PTPRT: variants seen among roughly 807,000 people sequenced by gnomAD.
The protein encoded by PTPRT is protein tyrosine phosphatase receptor type T, also known as receptor-type tyrosine-protein phosphatase T.
A neutral mutation model predicts 176.8 loss-of-function variants in PTPRT; 56 were observed. The ratio of observed to expected loss-of-function variants is 0.32; its 90% CI spans 0.26 to 0.40. The LOEUF (loss-of-function observed/expected upper bound fraction) is 0.40, where lower values mean the gene tolerates loss of function less well. PTPRT is among the 10% of genes least tolerant of loss of function. The probability of loss-of-function intolerance (pLI) is 1.00; values close to 1 mark genes in which losing one functional copy is unlikely to be tolerated. For synonymous variants in PTPRT, 783 were observed against 739.0 expected (o/e 1.06, Z -0.96); for missense variants, 1,540 against 1,908.2 (o/e 0.81, Z 3.60).
intron 11 of PTPRT, among the ~76,000 whole-genome samples, chr20:42,329,651 T>A (rs2057939600): frequency 6.6e-6 from 1 of 152,108 alleles, no homozygotes; most frequent in Non-Finnish European, 1.5e-5. Context: ...GTAATAGCTA[T>A]CATGATATGT....
rs1396436499 is a variant in PTPRT, at chr20:42,118,520, T to G, written c.2885-20A>C. The G allele has an allele frequency of 1.3e-6, 2 of 1,591,658 alleles. No homozygotes were observed. The highest frequency in any genetic ancestry group is 1.7e-6 in the Non-Finnish European group (2 of 1,167,514). On this transcript the variant is annotated intron_variant, in intron 20 of 30. Coordinates refer to ENST00000373187, the MANE Select transcript of PTPRT (RefSeq NM_007050.6). ...TCGGACCTGCCAACAGAGAAGACAG[T>G]GAGGTTAGAGAATGCAAGTGCAAAG... is the stretch of plus-strand genomic sequence containing the variant.
intron 17 of PTPRT, among the ~76,000 whole-genome samples, chr20:42,158,947 T>C (rs1053283606): frequency 2.6e-5 from 4 of 152,162 alleles, no homozygotes; most frequent in African/African-American, 7.2e-5. Context: ...CGAAGAAAGT[T>C]TGAAAAGCAA....
At chr20:43,000,610 G>T (rs1019496560) in intron 1 of PTPRT, among the ~76,000 whole-genome samples, 9 of 152,124 alleles carry the variant, frequency 5.9e-5, no homozygotes, top group African/African-American at 1.7e-4. Flanking sequence ...ACATAATGGA[G>T]CAAGTCAACA....
chr20:42,250,062 G>A (rs558533834), intron 13 of PTPRT, among the ~76,000 whole-genome samples: 8 of 152,270 alleles, frequency 5.3e-5, no homozygotes, highest in African/African-American at 1.9e-4. Flanking sequence ...GTGCCCCTGG[G>A]AGAGTTTCTC....
intron 27 of PTPRT, among the ~76,000 whole-genome samples, chr20:42,088,539 G>A (rs1056967139): frequency 1.3e-5 from 2 of 152,214 alleles, no homozygotes; most frequent in Admixed American, 1.3e-4. Flanking sequence ...CTTCTTAGCT[G>A]TGGAAACCCC....
chr20:42,270,058 A>T (rs1234701654), intron 13 of PTPRT, among the ~76,000 whole-genome samples: 1 of 151,934 alleles, frequency 6.6e-6, no homozygotes, highest in Admixed American at 6.6e-5. Context: ...TAGTTTTTGG[A>T]CCAGTGGCTG....
intron 2 of PTPRT, among the ~76,000 whole-genome samples, chr20:42,840,846 C>T (rs1386351836): frequency 6.6e-6 from 1 of 152,170 alleles, no homozygotes; most frequent in Non-Finnish European, 1.5e-5. Context: ...GCATGAGTTG[C>T]TACTTGGAGC....
rs574761888 is a variant in PTPRT, at chr20:43,098,182, G to A, written c.88+91464C>T. On this transcript the variant is annotated intron_variant, in intron 1 of 30. Coordinates refer to ENST00000373187, the MANE Select transcript of PTPRT (RefSeq NM_007050.6). ...AGCTAAAATTTGGAACTTTATCACAGACTCATGGTTACCAACATCAAATAT... is the reference window on the plus strand; with the variant it reads ...AGCTAAAATTTGGAACTTTATCACAAACTCATGGTTACCAACATCAAATAT... Among the ~76,000 whole-genome samples, 51 of 152,272 alleles carry A rather than the reference G, an allele frequency of 3.3e-4. 1 individual carries two copies. The highest frequency in any genetic ancestry group is 1.5e-3 in the Admixed American group (23 of 15,294).
Position 42,956,282 on chromosome 20 carries a change from A to T in PTPRT, c.89-70350T>A, listed in dbSNP as rs572972692. 3.9e-4 allele frequency among the ~76,000 whole-genome samples: 59 copies of T among 152,262 alleles called. No individual in the cohort carries two copies. In the South Asian group the frequency reaches 0.012, roughly 30 times the overall value. The stretch of plus-strand genomic sequence containing the variant: ...GGACCTAGTGGGAAGCAATTGGATC[A>T]TGGGGGTGGGATCCTCATGAATGGT... On this transcript the variant is annotated intron_variant, in intron 1 of 30. Coordinates refer to ENST00000373187, the MANE Select transcript of PTPRT (RefSeq NM_007050.6).
At chr20:43,069,700 A>G (rs535820321) in intron 1 of PTPRT, among the ~76,000 whole-genome samples, 1 of 152,278 alleles carries the variant, frequency 6.6e-6, no homozygotes, top group Non-Finnish European at 1.5e-5. Flanking sequence ...ATGAGGACTG[A>G]GTCGGCTTTT....
intron 4 of PTPRT, among the ~76,000 whole-genome samples, chr20:42,777,104 T>C (rs1448328869): frequency 6.6e-6 from 1 of 152,098 alleles, no homozygotes; most frequent in Non-Finnish European, 1.5e-5. Flanking sequence ...TCCAGAACTT[T>C]CTTCCTCCTA....
At chr20:43,054,373 G>A (rs1019250719) in intron 1 of PTPRT, among the ~76,000 whole-genome samples, 4 of 152,038 alleles carry the variant, frequency 2.6e-5, no homozygotes, top group Non-Finnish European at 5.9e-5. Flanking sequence ...GGGCAACACG[G>A]CGAAACTTCG....
chr20:42,174,722 G>A (rs1429050119), intron 16 of PTPRT, among the ~76,000 whole-genome samples: 1 of 152,320 alleles, frequency 6.6e-6, no homozygotes, highest in Non-Finnish European at 1.5e-5. Context: ...AGACAGGGTA[G>A]TGGTCTAACA....
chr20:42,473,182 T>C (rs2071229377), intron 7 of PTPRT, among the ~76,000 whole-genome samples: 1 of 152,152 alleles, frequency 6.6e-6, no homozygotes, highest in South Asian at 2.1e-4. Context: ...CAGTCTTCCA[T>C]CCCTCTTTTT....
chr20:42,566,877 C>T (rs1163721821), intron 7 of PTPRT, among the ~76,000 whole-genome samples: 1 of 152,170 alleles, frequency 6.6e-6, no homozygotes, highest in African/African-American at 2.4e-5. Flanking sequence ...TAAGTTGTTA[C>T]TATTTGGTAA....
At chr20:42,803,406 C>T (rs1017116754) in intron 2 of PTPRT, among the ~76,000 whole-genome samples, 1 of 152,202 alleles carries the variant, frequency 6.6e-6, no homozygotes, top group Non-Finnish European at 1.5e-5. Context: ...TGAGCCTCAG[C>T]CTATCAGGGT....
At chr20:42,419,648 T>C (rs34733708) in intron 9 of PTPRT, among the ~76,000 whole-genome samples, 18,001 of 152,100 alleles carry the variant, frequency 0.12, 1,050 homozygotes, top group Middle Eastern at 0.14. Flanking sequence ...TCTCCTAGGA[T>C]TTCCTCTCCT....
chr20:42,584,292 C>T (rs1482191361), intron 7 of PTPRT, among the ~76,000 whole-genome samples: 1 of 152,184 alleles, frequency 6.6e-6, no homozygotes, highest in South Asian at 2.1e-4. Flanking sequence ...TGATCTCCCA[C>T]TATTCTCTTT....
chr20:42,884,404 AG>A lies in PTPRT; in HGVS notation c.214+1402del, dbSNP rs137869406. ...TTTGGAGCCAGACTCAAAGTGAATG[AG>A]GCCACACCCTCACCTGGGCATCTCT... On this transcript the variant is annotated intron_variant, in intron 2 of 30. Transcript: ENST00000373187. 4.6e-3 allele frequency among the ~76,000 whole-genome samples: 696 copies of A among 152,248 alleles called. 2 individuals are homozygous for A. Among genetic ancestry groups the A allele is most frequent in the Non-Finnish European group, 6.7e-3 (454 of 67,998 alleles).
Sources: allele counts gnomAD v4.1 joint callset (sites outside exome capture counted in the v4.1 genomes callset), GRCh38; gene constraint gnomAD v4.1.1; transcripts MANE v1.5; gene names NCBI Gene and HGNC (gene_info 2026-07-23, HGNC 2026-07-21).